The following MAPK8 variants were observed in gnomAD, a reference collection of about 807,000 sequenced individuals.
MAPK8 encodes mitogen-activated protein kinase 8.
Under a neutral mutation model 52.9 loss-of-function variants are expected in MAPK8, and 13 were observed. That is an observed-to-expected ratio of 0.25 (90% CI 0.16 to 0.39). The LOEUF is 0.39. Ranked by LOEUF, MAPK8 falls within the 10% of genes least tolerant of loss-of-function variation. The pLI is 1.00. For synonymous variants in MAPK8, 191 were observed against 169.8 expected, an observed-to-expected ratio of 1.12 and a Z score of -0.97; for missense variants, 300 against 519.2, an observed-to-expected ratio of 0.58 and a Z score of 4.10.
chr10:48,397,730 ACAGGC>A (rs1255725236), intron 1 of MAPK8, among the ~76,000 whole-genome samples: 1 of 152,164 alleles, frequency 6.6e-6, no homozygotes. Flanking sequence ...AGCTGGGACT[ACAGGC>A]ATATGCCACC....
In MAPK8 at chr10:48,353,582, G is replaced by C. The variant is rs1006041539; in HGVS notation, c.-50+46761G>C. ...CTTGTGCAAAAATTAACTGCAAGTGGATCATAGATTCTAAATGTAAACCCT... is the reference window on the plus strand; with the variant it reads ...CTTGTGCAAAAATTAACTGCAAGTGCATCATAGATTCTAAATGTAAACCCT... On this transcript the variant is annotated intron_variant, in intron 1 of 11. Transcript: ENST00000374189. Among the ~76,000 whole-genome samples, 6 of 152,128 alleles carry C rather than the reference G, an allele frequency of 3.9e-5. No homozygotes were observed. In the East Asian group the frequency reaches 1.2e-3, roughly 29 times the overall value.
chr10:48,328,723 C>T lies in MAPK8; in HGVS notation c.-50+21902C>T, dbSNP rs186118257. ...GATGCTAGTATTTAATGTCTTAAAA[C>T]TTGTCTTAAAAACAGAACATTTTCC... On this transcript the variant is annotated intron_variant, in intron 1 of 11. Transcript: ENST00000374189. Among the ~76,000 whole-genome samples the T allele has an allele frequency of 4.6e-3, 699 of 152,278 alleles. 4 individuals are homozygous for T. The highest frequency in any genetic ancestry group is 7.6e-3 in the Non-Finnish European group (519 of 68,014).
intron 1 of MAPK8, among the ~76,000 whole-genome samples, chr10:48,352,391 T>G (rs1193648416): frequency 2.0e-5 from 3 of 151,982 alleles, no homozygotes; most frequent in Admixed American, 6.6e-5. Context: ...TGTTAATCAG[T>G]ATAATCCAAC....
chr10:48,351,212 A>G (rs1014933713), intron 1 of MAPK8, among the ~76,000 whole-genome samples: 12 of 152,090 alleles, frequency 7.9e-5, no homozygotes, highest in Non-Finnish European at 1.5e-4. Flanking sequence ...TATAGATTCA[A>G]TGCTATCCCC....
chr10:48,343,273 C>T (rs183333657), intron 1 of MAPK8, among the ~76,000 whole-genome samples: 5 of 152,300 alleles, frequency 3.3e-5, no homozygotes, highest in African/African-American at 9.6e-5. Context: ...CTTCCAGCTT[C>T]TGTTGGCTGC....
chr10:48,331,070 C>T (rs542944666), intron 1 of MAPK8, among the ~76,000 whole-genome samples: 1 of 152,152 alleles, frequency 6.6e-6, no homozygotes. Flanking sequence ...CTTCAAGGGT[C>T]TCCAGCTTAG....
At chr10:48,420,361 C>G in intron 6 of MAPK8, 41 bp downstream of exon 6, 1 of 1,500,766 alleles carries the variant, frequency 6.7e-7, no homozygotes, top group Non-Finnish European at 9.0e-7. Context: ...TCTGATTTAG[C>G]TTTTTTCTTT....
At chr10:48,398,531 G>C (rs190904679) in intron 1 of MAPK8, among the ~76,000 whole-genome samples, 5 of 152,294 alleles carry the variant, frequency 3.3e-5, no homozygotes, top group Admixed American at 3.3e-4. Context: ...TTGCAAGACA[G>C]TTTGACAATT....
chr10:48,392,672 CTCTT>C, intron 1 of MAPK8, among the ~76,000 whole-genome samples: 1 of 152,052 alleles, frequency 6.6e-6, no homozygotes, highest in East Asian at 1.9e-4. Flanking sequence ...CACTCTTCCT[CTCTT>C]TATTGGATCC....
intron 3 of MAPK8, among the ~76,000 whole-genome samples, chr10:48,408,975 C>T (rs986052282): frequency 6.6e-6 from 1 of 152,300 alleles, no homozygotes; most frequent in East Asian, 1.9e-4. Flanking sequence ...GCCACTAATT[C>T]CATTATGAGC....
chr10:48,401,036 T>A (rs1410898054), intron 1 of MAPK8, among the ~76,000 whole-genome samples: 1 of 152,234 alleles, frequency 6.6e-6, no homozygotes, highest in Non-Finnish European at 1.5e-5. Context: ...AGTCTCAGTA[T>A]GTGTGTTACA....
At chr10:48,370,238 C>T (rs1848423804) in intron 1 of MAPK8, among the ~76,000 whole-genome samples, 1 of 151,960 alleles carries the variant, frequency 6.6e-6, no homozygotes, top group African/African-American at 2.4e-5. Flanking sequence ...GGATTATTTA[C>T]AAATAAGGTA....
chr10:48,395,577 A>C lies in MAPK8; in HGVS notation c.-49-6035A>C, dbSNP rs183711994. Among the ~76,000 whole-genome samples, 483 of 152,236 alleles carry C rather than the reference A, an allele frequency of 3.2e-3. 3 individuals carry two copies. The highest frequency in any genetic ancestry group is 0.011 in the African/African-American group (470 of 41,574). On this transcript the variant is annotated intron_variant, in intron 1 of 11. Transcript: ENST00000374189. ...AAATTAAAAACTTTTGATCTTCAAA[A>C]GTCACTGTTAACACAATTCCTATCA...
intron 6 of MAPK8, among the ~76,000 whole-genome samples, chr10:48,422,966 A>G (rs775272680): frequency 1.3e-5 from 2 of 152,126 alleles, no homozygotes; most frequent in African/African-American, 2.4e-5. Context: ...TCTGACATCT[A>G]TTTGTGCCGT....
chr10:48,328,366 T>C (rs74582689), intron 1 of MAPK8, among the ~76,000 whole-genome samples: 1 of 151,986 alleles, frequency 6.6e-6, no homozygotes, highest in Non-Finnish European at 1.5e-5. Context: ...TTCTTTTTTT[T>C]CTTCTGCTCA....
intron 1 of MAPK8, among the ~76,000 whole-genome samples, chr10:48,316,725 T>C (rs1842537434): frequency 6.6e-6 from 1 of 152,136 alleles, no homozygotes; most frequent in Non-Finnish European, 1.5e-5. Context: ...CCTTATAAAA[T>C]TATATGGTAG....
intron 1 of MAPK8, among the ~76,000 whole-genome samples, chr10:48,326,699 C>A (rs1843556230): frequency 6.6e-6 from 1 of 151,894 alleles, no homozygotes; most frequent in Non-Finnish European, 1.5e-5. Flanking sequence ...TATTTGTAAC[C>A]ATCTGTATCT....
chr10:48,390,396 T>C (rs1293148319), intron 1 of MAPK8, among the ~76,000 whole-genome samples: 1 of 152,212 alleles, frequency 6.6e-6, no homozygotes, highest in Non-Finnish European at 1.5e-5. Context: ...ATAGGTCTAT[T>C]GGTAGCCAAA....
At chr10:48,333,345 A>C (rs560603112) in intron 1 of MAPK8, among the ~76,000 whole-genome samples, 1 of 152,190 alleles carries the variant, frequency 6.6e-6, no homozygotes, top group Admixed American at 6.5e-5. Flanking sequence ...GGCCCCACCA[A>C]AGGTTAGCTT....
Sources: allele counts gnomAD v4.1 joint callset (sites outside exome capture counted in the v4.1 genomes callset), GRCh38; gene constraint gnomAD v4.1.1; transcripts MANE v1.5; gene names NCBI Gene and HGNC (gene_info 2026-07-23, HGNC 2026-07-21).